The following TNRC18 variants were observed in gnomAD, a reference collection of about 807,000 sequenced individuals.
TNRC18 encodes the protein trinucleotide repeat containing 18, also known as trinucleotide repeat-containing gene 18 protein.
Under a neutral mutation model 226.7 loss-of-function variants are expected in TNRC18, and 69 were observed. The observed-to-expected ratio is 0.30, with a 90% CI of 0.25 to 0.37. TNRC18 has a LOEUF of 0.37. Ranked by LOEUF, TNRC18 falls within the 10% of genes least tolerant of loss-of-function variation. The pLI is 1.00. For missense variants in TNRC18, 4,754 were observed against 4,256.6 expected (o/e 1.12, Z -3.25); for synonymous variants, 2,449 against 1,927.6 (o/e 1.27, Z -7.09).
intron 24 of TNRC18, chr7:5,320,044 TAA>T (rs1788191295): frequency 2.5e-6 from 1 of 392,336 alleles, no homozygotes; most frequent in Non-Finnish European, 4.8e-6. Flanking sequence ...CCTCCAATGA[TAA>T]GAGTTCTTAA....
intron 2 of TNRC18, among the ~76,000 whole-genome samples, chr7:5,402,833 G>A (rs1257992360): frequency 9.9e-5 from 15 of 151,358 alleles, no homozygotes; most frequent in African/African-American, 2.0e-4. Flanking sequence ...AAGCCTCGGC[G>A]ACAGAGTGAG....
intron 27 of TNRC18, among the ~76,000 whole-genome samples, chr7:5,311,005 T>G (rs1270460170): frequency 6.6e-6 from 1 of 151,672 alleles, no homozygotes; most frequent in Non-Finnish European, 1.5e-5. Context: ...CGTGCACGCA[T>G]GTATGTGCCT....
intron 9 of TNRC18, 94 bp from the exon 10 acceptor site, chr7:5,374,578 CGAG>C (rs1159471658): frequency 1.4e-5 from 18 of 1,306,164 alleles, no homozygotes; most frequent in Admixed American, 2.7e-5. Flanking sequence ...TCCCCGAGTC[CGAG>C]GAGAACCTCA....
chr7:5,362,551 CA>C, intron 12 of TNRC18, 98 bp downstream of exon 12: 1 of 1,233,722 alleles, frequency 8.1e-7, no homozygotes, highest in Non-Finnish European at 1.1e-6. Context: ...TCTCTGGCGC[CA>C]AAGCCAGCCA....
At chr7:5,366,019 C>A (rs952138495) in intron 11 of TNRC18, among the ~76,000 whole-genome samples, 6 of 152,046 alleles carry the variant, frequency 3.9e-5, no homozygotes, top group African/African-American at 1.4e-4. Context: ...TGCGGTGAGC[C>A]GAAAACCATA....
chr7:5,417,909 T>C (rs1327415331), intron 2 of TNRC18, among the ~76,000 whole-genome samples: 1 of 152,154 alleles, frequency 6.6e-6, no homozygotes, highest in Admixed American at 6.5e-5. Context: ...ATGGATCTGA[T>C]CAGACCCTGG....
rs1460399156 is a variant in TNRC18 at position 5,312,816 on chromosome 7, C to G, written c.8075G>C (p.Gly2692Ala). 1.3e-6 allele frequency: 2 copies of G among 1,534,208 alleles called. No homozygotes were observed. The highest frequency in any genetic ancestry group is 8.7e-7 in the Non-Finnish European group (1 of 1,144,188). ...DDEAAPAPTA[G>A]PSAQAALPTK... The stretch of plus-strand genomic sequence containing the variant: ...GGGGAGCGCCGCCTGCGCGGAAGGG[C>G]CAGCCGTGGGGGCGGGGGCTGCCTC... The change falls in exon 27 of 30, where the codon GGC becomes GCC. Residue 2692 changes from glycine (G) to alanine (A), a missense_variant. Physicochemically the swap from Gly to Ala is moderately conservative, Grantham distance 60 (BLOSUM62 0). Transcript: ENST00000430969. This position sits in a 1 kb window ranked among gnomAD's most constrained non-coding sequence, Gnocchi z 6.3.
rs373138999 is a variant in TNRC18 at position 5,377,950 on chromosome 7, G to C, written c.2227C>G (p.Leu743Val). The C allele has an allele frequency of 1.2e-6, 2 of 1,613,484 alleles. No individual in the cohort carries two copies. The change falls in exon 6 of 30, where the codon CTG becomes GTG. Residue 743 changes from leucine to valine, a missense_variant. Transcript: ENST00000430969. This position sits in a 1 kb window ranked among gnomAD's most constrained non-coding sequence, Gnocchi z 5.8. ...HREERLLGARLDRDQEKLLRE... is the reference protein window; with the variant it reads ...HREERLLGARVDRDQEKLLRE... Reference sequence around the variant, plus strand: ...AGCAGCTTCTCCTGATCCCGGTCCAGCCGTGCCCCGAGCAGCCGTTCCTCC... The same window carrying C: ...AGCAGCTTCTCCTGATCCCGGTCCACCCGTGCCCCGAGCAGCCGTTCCTCC...
chr7:5,360,151 G>A (rs1562545788), intron 14 of TNRC18, among the ~76,000 whole-genome samples: 1 of 152,144 alleles, frequency 6.6e-6, no homozygotes, highest in Non-Finnish European at 1.5e-5. Context: ...TGTGTGTCTT[G>A]CACTGTGTTA....
At chr7:5,367,521 A>ATTTG (rs1793731320) in intron 11 of TNRC18, among the ~76,000 whole-genome samples, 1 of 149,786 alleles carries the variant, frequency 6.7e-6, no homozygotes, top group South Asian at 2.1e-4. Flanking sequence ...TCCGCCTCCC[A>ATTTG]GGTTCAAGTG....
intron 5 of TNRC18, among the ~76,000 whole-genome samples, chr7:5,380,576 G>A (rs984334807): frequency 6.6e-6 from 1 of 152,236 alleles, no homozygotes; most frequent in African/African-American, 2.4e-5. Flanking sequence ...GGCACGGGGA[G>A]AAGCGTGTTG....
intron 11 of TNRC18, among the ~76,000 whole-genome samples, chr7:5,366,318 C>CTTTTTTTTTTTTTTTTTTTTTT (rs202053648): frequency 2.8e-5 from 2 of 70,464 alleles, no homozygotes; most frequent in African/African-American, 1.3e-4. Flanking sequence ...CTTCTTATAT[C>CTTTTTTTTTTTTTTTTTTTTTT]TTTTTTTTTT....
At chr7:5,325,015 A>T (rs925858979) in intron 20 of TNRC18, 81 bp downstream of exon 20, 2 of 1,450,670 alleles carry the variant, frequency 1.4e-6, no homozygotes, top group African/African-American at 2.9e-5. Context: ...AATACAGAGG[A>T]GCAGGTGGAG....
chr7:5,322,971 T>C (rs759667370), intron 21 of TNRC18, among the ~76,000 whole-genome samples: 7 of 152,188 alleles, frequency 4.6e-5, no homozygotes, highest in Non-Finnish European at 8.8e-5. Flanking sequence ...GCCCAACTTT[T>C]CCTCTTAAGC....
At chr7:5,406,743 C>T (rs1423409008) in intron 2 of TNRC18, among the ~76,000 whole-genome samples, 2 of 151,186 alleles carry the variant, frequency 1.3e-5, no homozygotes, top group African/African-American at 4.9e-5. Context: ...TGAAGCTACT[C>T]AGGAGACTGA....
intron 19 of TNRC18, among the ~76,000 whole-genome samples, chr7:5,327,372 CGTGTGTGTGTGTGTGTGTGTGT>C (rs5882054): frequency 7.0e-6 from 1 of 142,810 alleles, no homozygotes; most frequent in Admixed American, 6.9e-5. Flanking sequence ...TGTGTTTGTG[CGTGTGTGTGTGTGTGTGTGTGT>C]GTGTGTGTGT....
rs1334631603 is a variant in TNRC18 at position 5,312,437 on chromosome 7, G to A, written c.8388+66C>T. ...ACACACGGAGACACAGCATGAAGCC[G>A]TGGGCCCAGCAGAGAGACACAAGGC... On this transcript the variant is annotated intron_variant, in intron 27 of 29. Transcript: ENST00000430969. This position sits in a 1 kb window ranked among gnomAD's most constrained non-coding sequence, Gnocchi z 6.3. 1.1e-5 allele frequency: 18 copies of A among 1,568,134 alleles called. No individual in the cohort carries two copies. Among genetic ancestry groups the A allele is most frequent in the South Asian group, 3.5e-5 (3 of 86,032 alleles).
chr7:5,362,813 G>A lies in TNRC18; in HGVS notation c.4232C>T (p.Ala1411Val). 6.4e-7 allele frequency: 1 copy of A among 1,552,324 alleles called. No homozygotes were observed. The highest frequency in any genetic ancestry group is 1.4e-5 in the African/African-American group (1 of 73,532). ...RSQEMGGAER[A>V]LVARPSLESL... ...CTCCAGGGAGGGCCGCGCCACCAGG[G>A]CCCGCTCCGCACCTGTGGACAGGAG... Residue 1411 changes from alanine (A) to valine (V), a missense_variant, in exon 12 of 30, where the codon GCC becomes GTC. Physicochemically the swap from Ala to Val is moderately conservative, Grantham distance 64 (BLOSUM62 0). Coordinates refer to ENST00000430969, the MANE Select transcript of TNRC18 (RefSeq NM_001080495.3).
Position 5,324,151 on chromosome 7 carries a change from C to T in TNRC18, c.6442+63G>A. ...CTTCAGTCTCAAGCCTTGCTCAGAT[C>T]TGCCTCCCCCAAGGGAGGCTCCAGC... On this transcript the variant is annotated intron_variant, in intron 21 of 29. Coordinates refer to ENST00000430969, the MANE Select transcript of TNRC18 (RefSeq NM_001080495.3). The surrounding 1 kb of genome is among the most constrained non-coding windows in gnomAD (Gnocchi z 4.8). 1 of 1,517,024 alleles carries T rather than the reference C, an allele frequency of 6.6e-7. No individual in the cohort carries two copies. The highest frequency in any genetic ancestry group is 8.8e-7 in the Non-Finnish European group (1 of 1,132,122). 94.0% of individuals were successfully genotyped at this position (1,517,024 alleles called of 1,614,324 possible).
Sources: gnomAD v4.1 joint callset for allele counts (sites outside exome capture counted in the v4.1 genomes callset) on GRCh38, gnomAD v4.1.1 for gene constraint, Gnocchi (gnomAD v3.1) non-coding constraint, MANE v1.5 for transcripts, NCBI Gene and HGNC (gene_info 2026-07-23, HGNC 2026-07-21) for gene names.